The following M1AP variants were observed in gnomAD, a reference collection of about 807,000 sequenced individuals.
M1AP encodes meiosis 1 associated protein, also known as meiosis 1 arrest protein.
In M1AP, 39 loss-of-function variants were observed where a neutral mutation model predicts 51.2. That is an observed-to-expected ratio of 0.76 (90% CI 0.59 to 1.00). M1AP has a LOEUF of 1.00. Ranked by LOEUF, M1AP falls within the 50% of genes least tolerant of loss-of-function variation. The pLI, the probability that M1AP is intolerant of heterozygous loss-of-function variation, is 0.00. For missense variants in M1AP, 545 were observed against 641.2 expected (o/e 0.85, Z 1.62); for synonymous variants, 251 against 249.2 (o/e 1.01, Z -0.07).
chr2:74,645,503 G>A (rs1041995505), intron 1 of M1AP, among the ~76,000 whole-genome samples: 10 of 152,320 alleles, frequency 6.6e-5, no homozygotes, highest in East Asian at 1.9e-4. Context: ...TAAACAGGGC[G>A]AGGGTGGAAG....
intron 7 of M1AP, 71 bp downstream of exon 7, chr2:74,575,367 G>C (rs753728003): frequency 1.4e-5 from 22 of 1,599,228 alleles, no homozygotes; most frequent in Middle Eastern, 1.8e-4. Flanking sequence ...GGCAGAGTTA[G>C]TTAGCTGCTT....
intron 4 of M1AP, among the ~76,000 whole-genome samples, chr2:74,601,967 G>T (rs938604969): frequency 6.6e-6 from 1 of 152,156 alleles, no homozygotes; most frequent in East Asian, 1.9e-4. Context: ...AAATGAATCT[G>T]CAATATCAAC....
At chr2:74,642,296 A>G (rs1049702740) in intron 1 of M1AP, among the ~76,000 whole-genome samples, 4 of 152,184 alleles carry the variant, frequency 2.6e-5, no homozygotes, top group African/African-American at 9.7e-5. Flanking sequence ...AGCATGACCA[A>G]GTTGAGTTTA....
At chr2:74,590,685 C>T (rs530484465) in intron 4 of M1AP, among the ~76,000 whole-genome samples, 7 of 152,240 alleles carry the variant, frequency 4.6e-5, no homozygotes, top group African/African-American at 1.4e-4. Flanking sequence ...CTGCACTGCA[C>T]CCCTCACCTC....
At chr2:74,612,044 C>A (rs1354389376) in intron 3 of M1AP, among the ~76,000 whole-genome samples, 1 of 150,680 alleles carries the variant, frequency 6.6e-6, no homozygotes, top group African/African-American at 2.4e-5. Context: ...CAGGCACCCA[C>A]CACCACGCCT....
intron 4 of M1AP, among the ~76,000 whole-genome samples, chr2:74,596,856 A>G (rs2104656957): frequency 6.6e-6 from 1 of 152,392 alleles, no homozygotes; most frequent in Non-Finnish European, 1.5e-5. Context: ...ATTAAAAAAT[A>G]TAAACACAAA....
At chr2:74,641,089 A>T (rs1413534179) in intron 1 of M1AP, among the ~76,000 whole-genome samples, 1 of 152,136 alleles carries the variant, frequency 6.6e-6, no homozygotes, top group East Asian at 1.9e-4. Flanking sequence ...ATATGACTAC[A>T]TTTCTCCTTG....
intron 4 of M1AP, among the ~76,000 whole-genome samples, chr2:74,586,162 A>G (rs1679694628): frequency 6.6e-6 from 1 of 152,170 alleles, no homozygotes. Flanking sequence ...TTCCATTATT[A>G]TAGTCCCATA....
At position 74,575,480 on chromosome 2, in the gene M1AP, C is replaced by G. The variant is rs1421971862; in HGVS notation, c.1032G>C (p.Glu344Asp). ...SCWQLDWDELETNQQHFHALC... is the reference protein window; with the variant it reads ...SCWQLDWDELDTNQQHFHALC... Reference sequence around the variant, plus strand: ...AAGCATGGAAATGTTGCTGATTTGTCTCCAGCTCATCCCAGTCCAGCTGCC... The same window carrying G: ...AAGCATGGAAATGTTGCTGATTTGTGTCCAGCTCATCCCAGTCCAGCTGCC... Residue 344 changes from glutamate (E) to aspartate (D), a missense_variant, in exon 7 of 11, where the codon GAG becomes GAC. Glu to Asp is a conservative substitution (Grantham distance 45). Transcript: ENST00000421985. 5 of 1,614,134 alleles carry G rather than the reference C, an allele frequency of 3.1e-6. No individual in the cohort carries two copies. The highest frequency in any genetic ancestry group is 4.2e-6 in the Non-Finnish European group (5 of 1,180,018).
At chr2:74,588,027 C>G (rs936451931) in intron 4 of M1AP, among the ~76,000 whole-genome samples, 1 of 152,188 alleles carries the variant, frequency 6.6e-6, no homozygotes, top group African/African-American at 2.4e-5. Context: ...CTGTATTTCT[C>G]TCTTCACATA....
At chr2:74,594,855 AG>A (rs1422741941) in intron 4 of M1AP, among the ~76,000 whole-genome samples, 1 of 152,144 alleles carries the variant, frequency 6.6e-6, no homozygotes, top group Non-Finnish European at 1.5e-5. Flanking sequence ...CTCCAGCCTG[AG>A]TGACACAGTG....
rs147605222 is a variant in M1AP, at chr2:74,559,450, G to A, written c.1434+248C>T. ...GCCGGAATTATAGGCATAAGCCACC[G>A]TGCCCGGCCTAAAATGAGAATTTTT... On this transcript the variant is annotated intron_variant, in intron 10 of 10. Coordinates refer to ENST00000421985, the MANE Select transcript of M1AP (RefSeq NM_001321739.2). 3.3e-4 allele frequency among the ~76,000 whole-genome samples: 50 copies of A among 152,258 alleles called. No individual in the cohort carries two copies. The East Asian group carries it at 4.6e-3, about 14-fold the overall frequency.
chr2:74,608,247 CCTT>C (rs1232433313), intron 3 of M1AP, among the ~76,000 whole-genome samples: 2 of 152,206 alleles, frequency 1.3e-5, no homozygotes, highest in Non-Finnish European at 2.9e-5. Context: ...ATTCATCCCT[CCTT>C]CTCCTCAACC....
At position 74,586,723 on chromosome 2, in the gene M1AP, G is replaced by T. The variant is rs534484394; in HGVS notation, c.596-4876C>A. ...TGAGAATTAAAAGTTGTTAGCAGCC[G>T]GGCACGGTGGCTCACGCCTGTAATC... On this transcript the variant is annotated intron_variant, in intron 4 of 10. Transcript: ENST00000421985. Among the ~76,000 whole-genome samples the T allele has an allele frequency of 2.0e-5, 3 of 152,102 alleles. No individual in the cohort carries two copies. The East Asian group carries it at 5.8e-4, about 29-fold the overall frequency.
At chr2:74,632,718 T>A (rs1682772877) in intron 2 of M1AP, among the ~76,000 whole-genome samples, 1 of 152,204 alleles carries the variant, frequency 6.6e-6, no homozygotes, top group Non-Finnish European at 1.5e-5. Context: ...ATCAAAGGCT[T>A]ACCCTTTTAT....
At chr2:74,630,462 A>G (rs1057259883) in intron 2 of M1AP, among the ~76,000 whole-genome samples, 2 of 152,044 alleles carry the variant, frequency 1.3e-5, no homozygotes, top group East Asian at 1.9e-4. Context: ...TGCATTAGCT[A>G]TTGGTCCTGA....
intron 4 of M1AP, among the ~76,000 whole-genome samples, chr2:74,592,403 G>A (rs1269441998): frequency 6.6e-6 from 1 of 152,110 alleles, no homozygotes; most frequent in South Asian, 2.1e-4. Flanking sequence ...GGGTGAGGTT[G>A]AACATATTTT....
rs544826047 is a variant in M1AP, at chr2:74,610,191, A to G, written c.427-2968T>C. On this transcript the variant is annotated intron_variant, in intron 3 of 10. Transcript: ENST00000421985. ...TTATTTTTGTATTTTTTTTTTTTGT[A>G]GAGATGGAGGCCTCACCATGTTGAC... is the stretch of plus-strand genomic sequence containing the variant. 1.3e-4 allele frequency among the ~76,000 whole-genome samples: 19 copies of G among 147,076 alleles called. No homozygotes were observed. The South Asian group carries it at 3.8e-3, about 30-fold the overall frequency.
chr2:74,582,223 G>T (rs1679449395), intron 4 of M1AP, among the ~76,000 whole-genome samples: 1 of 152,186 alleles, frequency 6.6e-6, no homozygotes, highest in African/African-American at 2.4e-5. Flanking sequence ...TGGGATTATA[G>T]GCACTTGTCA....
Sources: gnomAD v4.1 joint callset for allele counts (sites outside exome capture counted in the v4.1 genomes callset) on GRCh38, gnomAD v4.1.1 for gene constraint, MANE v1.5 for transcripts, NCBI Gene and HGNC (gene_info 2026-07-23, HGNC 2026-07-21) for gene names.